The following CNTNAP2 variants were observed in gnomAD, a reference collection of about 807,000 sequenced individuals.
CNTNAP2 encodes contactin-associated protein-like 2.
A neutral mutation model predicts 155.2 loss-of-function variants in CNTNAP2; 98 were observed. The observed-to-expected ratio is 0.63, with a 90% CI of 0.54 to 0.75. The LOEUF is 0.75. Ranked by LOEUF, CNTNAP2 falls within the 30% of genes least tolerant of loss-of-function variation. CNTNAP2 has a pLI of 0.00. For synonymous variants in CNTNAP2, 651 were observed against 631.2 expected, an observed-to-expected ratio of 1.03 and a Z score of -0.47; for missense variants, 1,727 against 1,688.1, an observed-to-expected ratio of 1.02 and a Z score of -0.40.
chr7:147,064,413 A>G (rs1450164444), intron 4 of CNTNAP2, among the ~76,000 whole-genome samples: 1 of 152,202 alleles, frequency 6.6e-6, no homozygotes, highest in Non-Finnish European at 1.5e-5. Flanking sequence ...GTATAACAAG[A>G]GGCTTGTGAG....
chr7:147,918,308 T>C (rs2116775224), intron 14 of CNTNAP2, among the ~76,000 whole-genome samples: 1 of 152,336 alleles, frequency 6.6e-6, no homozygotes, highest in Non-Finnish European at 1.5e-5. Context: ...ATCCGGTTTT[T>C]TGTATGTATT....
intron 9 of CNTNAP2, among the ~76,000 whole-genome samples, chr7:147,369,945 G>A (rs1248807622): frequency 6.6e-6 from 1 of 152,192 alleles, no homozygotes; most frequent in Non-Finnish European, 1.5e-5. Context: ...GTCACACGTG[G>A]TCGGTCCTTG....
At chr7:147,587,804 T>C (rs1158611666) in intron 12 of CNTNAP2, among the ~76,000 whole-genome samples, 1 of 152,186 alleles carries the variant, frequency 6.6e-6, no homozygotes, top group Non-Finnish European at 1.5e-5. Context: ...CATTTGTTTT[T>C]AAAAATACTT....
rs191948748 is a variant in CNTNAP2 at position 148,214,610 on chromosome 7, C to T, written c.3011-2678C>T. On this transcript the variant is annotated intron_variant, in intron 18 of 23. Transcript: ENST00000361727. Reference sequence around the variant, plus strand: ...ATTTTTGAGATGGAGTCTCTCTCTGCGGCCAGGCTGGAATGCAGTGGCGGA... The same window carrying T: ...ATTTTTGAGATGGAGTCTCTCTCTGTGGCCAGGCTGGAATGCAGTGGCGGA... Among the ~76,000 whole-genome samples, 32 of 152,200 alleles carry T rather than the reference C, an allele frequency of 2.1e-4. No individual in the cohort carries two copies. The East Asian group carries it at 2.9e-3, about 14-fold the overall frequency.
At chr7:146,805,701 A>G (rs1028521532) in intron 2 of CNTNAP2, among the ~76,000 whole-genome samples, 3 of 152,198 alleles carry the variant, frequency 2.0e-5, no homozygotes, top group African/African-American at 7.2e-5. Flanking sequence ...TGGCAGCCAC[A>G]CCGTAACTAG....
intron 3 of CNTNAP2, among the ~76,000 whole-genome samples, chr7:146,975,810 A>G (rs10238991): frequency 0.37 from 55,714 of 152,060 alleles, 10,729 homozygotes; most frequent in Middle Eastern, 0.43. Context: ...AGAGCATGTG[A>G]ATTAAGAACT....
chr7:148,303,824 C>T (rs117138045), intron 21 of CNTNAP2, among the ~76,000 whole-genome samples: 1 of 152,338 alleles, frequency 6.6e-6, no homozygotes, highest in East Asian at 1.9e-4. Context: ...AGACAGCCCA[C>T]TTCCAGATTA....
chr7:147,471,895 T>C (rs759714635), intron 10 of CNTNAP2, among the ~76,000 whole-genome samples: 11 of 152,022 alleles, frequency 7.2e-5, no homozygotes, highest in Non-Finnish European at 1.6e-4. Context: ...CTACCTCAGA[T>C]TGGGAAGACA....
chr7:146,320,425 T>C (rs1244767868), intron 1 of CNTNAP2, among the ~76,000 whole-genome samples: 1 of 152,174 alleles, frequency 6.6e-6, no homozygotes, highest in Non-Finnish European at 1.5e-5. Context: ...AAATTCATTA[T>C]TATACTGAGG....
Position 146,398,184 on chromosome 7 carries a change from C to CTTTT in CNTNAP2, c.97+281230_97+281233dup, listed in dbSNP as rs34144986. 1.5e-3 allele frequency among the ~76,000 whole-genome samples: 165 copies of CTTTT among 107,004 alleles called. 3 individuals carry two copies. The highest frequency in any genetic ancestry group is 6.8e-3 in the Middle Eastern group (1 of 148). The allele number at this position is 107,004 out of a possible 152,430, so 70.2% of individuals were successfully genotyped here. Reference sequence around the variant, plus strand: ...GTGAGCACCTATACCCGGCCCCAAACTTTTTTTTTTTTTTTTTTTTTTAGC... The same window carrying CTTTT: ...GTGAGCACCTATACCCGGCCCCAAACTTTTTTTTTTTTTTTTTTTTTTTTTTAGC... On this transcript the variant is annotated intron_variant, in intron 1 of 23. Coordinates refer to ENST00000361727, the MANE Select transcript of CNTNAP2 (RefSeq NM_014141.6).
intron 16 of CNTNAP2, 98 bp downstream of exon 16, chr7:148,118,386 A>C (rs751818237): frequency 1.6e-4 from 213 of 1,346,654 alleles, no homozygotes; most frequent in Non-Finnish European, 2.1e-4. Context: ...TCAAACGTGG[A>C]AGGTTTCCTT....
intron 1 of CNTNAP2, among the ~76,000 whole-genome samples, chr7:146,325,568 A>G (rs1292014581): frequency 6.6e-6 from 1 of 152,116 alleles, no homozygotes; most frequent in Non-Finnish European, 1.5e-5. Context: ...TGAAGGGGAA[A>G]AAGACAGACA....
intron 1 of CNTNAP2, among the ~76,000 whole-genome samples, chr7:146,262,613 A>G (rs1799936949): frequency 6.6e-6 from 1 of 152,226 alleles, no homozygotes; most frequent in Non-Finnish European, 1.5e-5. Flanking sequence ...TGTTTTTATG[A>G]TAAATTTTGC....
chr7:147,199,242 G>A (rs149419965), intron 8 of CNTNAP2, among the ~76,000 whole-genome samples: 7,264 of 152,038 alleles, frequency 0.048, 597 homozygotes, highest in East Asian at 0.34. Context: ...GATTACAGGC[G>A]TGAGCCACCG....
chr7:148,406,885 T>C (rs1169032385), intron 22 of CNTNAP2, among the ~76,000 whole-genome samples: 1 of 152,194 alleles, frequency 6.6e-6, no homozygotes, highest in Admixed American at 6.5e-5. Flanking sequence ...ACCACATCCA[T>C]GCTTCAGTAT....
chr7:147,462,080 T>C (rs1251404627), intron 10 of CNTNAP2, among the ~76,000 whole-genome samples: 1 of 149,448 alleles, frequency 6.7e-6, no homozygotes, highest in Non-Finnish European at 1.5e-5. Context: ...CCCACACTGC[T>C]CTCGTGACCC....
At chr7:147,429,345 C>T (rs1227075418) in intron 10 of CNTNAP2, among the ~76,000 whole-genome samples, 1 of 151,906 alleles carries the variant, frequency 6.6e-6, no homozygotes, top group Non-Finnish European at 1.5e-5. Flanking sequence ...TGATATTGAG[C>T]AAGTTTTCAT....
chr7:148,186,410 AG>A (rs1795115193), intron 18 of CNTNAP2, among the ~76,000 whole-genome samples: 1 of 152,198 alleles, frequency 6.6e-6, no homozygotes, highest in South Asian at 2.1e-4. Context: ...TTGGAATCCT[AG>A]GTCCCTGACT....
intron 15 of CNTNAP2, among the ~76,000 whole-genome samples, chr7:148,012,708 C>T (rs936473728): frequency 1.3e-5 from 2 of 152,230 alleles, no homozygotes; most frequent in African/African-American, 4.8e-5. Context: ...ACACTCCTCA[C>T]TCTCATTTAA....
Sources: gnomAD v4.1 joint callset for allele counts (sites outside exome capture counted in the v4.1 genomes callset) on GRCh38, gnomAD v4.1.1 for gene constraint, MANE v1.5 for transcripts, NCBI Gene and HGNC (gene_info 2026-07-23, HGNC 2026-07-21) for gene names.